The following RIMBP2 variants were observed in gnomAD, a reference collection of about 807,000 sequenced individuals.
RIMBP2 encodes RIMS-binding protein 2.
In RIMBP2, 48 loss-of-function variants were observed where a neutral mutation model predicts 118.6. The observed-to-expected ratio is 0.40, with a 90% CI of 0.32 to 0.51. RIMBP2 has a LOEUF of 0.51. RIMBP2 is among the 20% of genes least tolerant of loss of function. The pLI is 0.41. For synonymous variants in RIMBP2, 762 were observed against 742.9 expected (o/e 1.03, Z -0.42); for missense variants, 1,551 against 1,768.3 (o/e 0.88, Z 2.20).
chr12:130,572,584 G>T (rs2057765549), intron 2 of RIMBP2, among the ~76,000 whole-genome samples: 1 of 152,038 alleles, frequency 6.6e-6, no homozygotes, highest in Admixed American at 6.6e-5. Flanking sequence ...GCTGACAGGG[G>T]CAGGGATGTG....
intron 2 of RIMBP2, among the ~76,000 whole-genome samples, chr12:130,616,590 T>G (rs892957445): frequency 1.3e-5 from 2 of 152,238 alleles, no homozygotes; most frequent in African/African-American, 4.8e-5. Context: ...CCATGTCTAC[T>G]GGGCGCCCAA....
At chr12:130,662,750 G>A (rs1391325985) in intron 1 of RIMBP2, among the ~76,000 whole-genome samples, 1 of 152,106 alleles carries the variant, frequency 6.6e-6, no homozygotes, top group East Asian at 1.9e-4. Flanking sequence ...GAGCCCAGGA[G>A]TTTGAGACCA....
chr12:130,633,260 T>C (rs891523913), intron 1 of RIMBP2, among the ~76,000 whole-genome samples: 3 of 152,202 alleles, frequency 2.0e-5, no homozygotes, highest in African/African-American at 7.2e-5. Context: ...GCTCAAAGAA[T>C]TGAAAATGTT....
At chr12:130,684,676 C>A (rs925382403) in intron 1 of RIMBP2, among the ~76,000 whole-genome samples, 3 of 152,152 alleles carry the variant, frequency 2.0e-5, no homozygotes, top group Non-Finnish European at 4.4e-5. Context: ...CCTAATTTTG[C>A]TTTAAAGATA....
chr12:130,398,455 T>C (rs1476769274), intron 22 of RIMBP2: 1 of 152,688 alleles, frequency 6.5e-6, no homozygotes, highest in Non-Finnish European at 1.5e-5. Context: ...AAAGTACACC[T>C]GAAGATACCA....
At chr12:130,479,616 G>A (rs1162074457) in intron 4 of RIMBP2, among the ~76,000 whole-genome samples, 1 of 127,104 alleles carries the variant, frequency 7.9e-6, no homozygotes, top group East Asian at 3.1e-4. Flanking sequence ...CCGGCCTCGG[G>A]CCGAGTCCGC....
At chr12:130,630,134 A>T (rs1417950164) in intron 1 of RIMBP2, among the ~76,000 whole-genome samples, 1 of 152,012 alleles carries the variant, frequency 6.6e-6, no homozygotes, top group African/African-American at 2.4e-5. Flanking sequence ...GATTTGGATG[A>T]TAAAAGATAT....
In RIMBP2 at chr12:130,422,187, C is replaced by T. The variant is rs1042802295; in HGVS notation, c.3238+266G>A. On this transcript the variant is annotated intron_variant, in intron 17 of 22. Coordinates refer to ENST00000690449, the MANE Select transcript of RIMBP2 (RefSeq NM_001393629.1). The surrounding 1 kb of genome is among the most constrained non-coding windows in gnomAD (Gnocchi z 5.2). ...ATGAGGGAGGTGACACAAAGTGGTC[C>T]CCCCTTCAGTGCTTACCCTGTGAAG... Among the ~76,000 whole-genome samples the T allele has an allele frequency of 2.0e-5, 3 of 152,176 alleles. No homozygotes were observed. The highest frequency in any genetic ancestry group is 4.4e-5 in the Non-Finnish European group (3 of 68,024).
intron 1 of RIMBP2, among the ~76,000 whole-genome samples, chr12:130,672,101 T>G (rs190476624): frequency 6.6e-6 from 1 of 152,158 alleles, no homozygotes; most frequent in Middle Eastern, 3.2e-3. Flanking sequence ...CTCCACAGAC[T>G]CGTGTCGGTT....
At chr12:130,529,099 T>C (rs916192520) in intron 2 of RIMBP2, among the ~76,000 whole-genome samples, 1 of 152,080 alleles carries the variant, frequency 6.6e-6, no homozygotes, top group African/African-American at 2.4e-5. Flanking sequence ...GTCCATAAAG[T>C]GGAAGATTCT....
In RIMBP2 at chr12:130,523,210, G is replaced by C. The variant is rs539373426; in HGVS notation, c.-216-5293C>G. ...GTCTCTATTTCTCTGTGTTGGGGGG[G>C]GTTTCTCTGCCTCCATCTCTCTCTG... On this transcript the variant is annotated intron_variant, in intron 2 of 22. Transcript: ENST00000690449. This position sits in a 1 kb window ranked among gnomAD's most constrained non-coding sequence, Gnocchi z 4.4. 5.9e-5 allele frequency among the ~76,000 whole-genome samples: 9 copies of C among 152,046 alleles called. No homozygotes were observed. The highest frequency in any genetic ancestry group is 1.9e-4 in the African/African-American group (8 of 41,436).
intron 1 of RIMBP2, among the ~76,000 whole-genome samples, chr12:130,667,055 G>GTT (rs2063958923): frequency 1.7e-5 from 2 of 115,232 alleles, no homozygotes; most frequent in Admixed American, 8.7e-5. Flanking sequence ...GAGGGAGGGA[G>GTT]AAAAGGAAGA....
At chr12:130,695,002 C>T (rs542344397) in intron 1 of RIMBP2, among the ~76,000 whole-genome samples, 58 of 152,302 alleles carry the variant, frequency 3.8e-4, no homozygotes, top group African/African-American at 1.2e-3. Flanking sequence ...ATCAGTTTCC[C>T]GTCAGTGTCG....
chr12:130,489,858 T>A (rs1485262577), intron 4 of RIMBP2, among the ~76,000 whole-genome samples: 1 of 152,192 alleles, frequency 6.6e-6, no homozygotes, highest in African/African-American at 2.4e-5. Flanking sequence ...TCAAAATGCG[T>A]GTCTTAAAAG....
At chr12:130,607,636 C>T (rs1282439458) in intron 2 of RIMBP2, among the ~76,000 whole-genome samples, 3 of 152,030 alleles carry the variant, frequency 2.0e-5, no homozygotes, top group Admixed American at 1.3e-4. Flanking sequence ...TGTTTCTCCA[C>T]ACTCAGCCCG....
At chr12:130,696,808 C>A (rs770615300) in intron 1 of RIMBP2, among the ~76,000 whole-genome samples, 4 of 152,218 alleles carry the variant, frequency 2.6e-5, no homozygotes, top group Admixed American at 6.5e-5. Flanking sequence ...TTAAACCTCT[C>A]TTTGGAGTCT....
intron 1 of RIMBP2, among the ~76,000 whole-genome samples, chr12:130,676,043 C>A (rs1279039491): frequency 6.6e-6 from 1 of 152,224 alleles, no homozygotes; most frequent in African/African-American, 2.4e-5. Flanking sequence ...AGGACACAGC[C>A]TTGAAGACTC....
chr12:130,551,253 G>A (rs957785837), intron 2 of RIMBP2, among the ~76,000 whole-genome samples: 2 of 152,236 alleles, frequency 1.3e-5, no homozygotes, highest in Non-Finnish European at 2.9e-5. Context: ...AGCCTGGCCA[G>A]TCATGATGGT....
At chr12:130,691,929 G>C (rs1287699483) in intron 1 of RIMBP2, among the ~76,000 whole-genome samples, 2 of 152,182 alleles carry the variant, frequency 1.3e-5, no homozygotes, top group African/African-American at 4.8e-5. Context: ...CAGGGGGACG[G>C]GTTTCTAGAA....
Sources: gnomAD v4.1 joint callset for allele counts (sites outside exome capture counted in the v4.1 genomes callset) on GRCh38, gnomAD v4.1.1 for gene constraint, Gnocchi (gnomAD v3.1) non-coding constraint, MANE v1.5 for transcripts, NCBI Gene and HGNC (gene_info 2026-07-23, HGNC 2026-07-21) for gene names.